The following UBE4B variants were observed in gnomAD, a reference collection of about 807,000 sequenced individuals.
UBE4B encodes the protein ubiquitin conjugation factor E4 B.
Under a neutral mutation model 148.1 loss-of-function variants are expected in UBE4B, and 27 were observed. The observed-to-expected ratio is 0.18, with a 90% CI of 0.13 to 0.25. The LOEUF (loss-of-function observed/expected upper bound fraction) is 0.25, where lower values mean the gene tolerates loss of function less well. Ranked by LOEUF, UBE4B falls within the 10% of genes least tolerant of loss-of-function variation. The pLI is 1.00. For missense variants in UBE4B, 1,170 were observed against 1,662.4 expected (o/e 0.70, Z 5.15); for synonymous variants, 596 against 619.3 (o/e 0.96, Z 0.56).
intron 2 of UBE4B, among the ~76,000 whole-genome samples, chr1:10,092,917 G>T (rs1358633141): frequency 1.3e-5 from 2 of 152,114 alleles, no homozygotes; most frequent in Non-Finnish European, 2.9e-5. Context: ...ATAATAAATT[G>T]TTGCAGAATT....
chr1:10,074,014 C>T (rs1159319063), intron 2 of UBE4B, among the ~76,000 whole-genome samples: 4 of 147,250 alleles, frequency 2.7e-5, no homozygotes, highest in African/African-American at 1.0e-4. Flanking sequence ...TCCTAGTGCA[C>T]TACAGCTTAA....
chr1:10,039,187 G>T (rs1036344909), intron 1 of UBE4B, among the ~76,000 whole-genome samples: 12 of 152,140 alleles, frequency 7.9e-5, no homozygotes, highest in Admixed American at 2.6e-4. Context: ...TATGGTGGAG[G>T]TATGCACAAC....
chr1:10,152,012 A>G (rs572957624), intron 21 of UBE4B, among the ~76,000 whole-genome samples: 1 of 152,114 alleles, frequency 6.6e-6, no homozygotes, highest in Admixed American at 6.6e-5. Flanking sequence ...TAATCCCAGC[A>G]CTTTGGGAGG....
At chr1:10,121,930 C>A (rs1200270102) in intron 9 of UBE4B, 32 bp from the exon 10 acceptor site, 3 of 1,497,144 alleles carry the variant, frequency 2.0e-6, no homozygotes, top group African/African-American at 1.4e-5. Flanking sequence ...GAGTTGACTT[C>A]ATCACCGTCC....
intron 1 of UBE4B, among the ~76,000 whole-genome samples, chr1:10,044,809 C>T (rs141714083): frequency 0.016 from 2,489 of 152,172 alleles, 58 homozygotes; most frequent in African/African-American, 0.055. Flanking sequence ...TCTTGAACTC[C>T]TGAGCTCAAG....
At chr1:10,054,162 A>G (rs1391732266) in intron 1 of UBE4B, among the ~76,000 whole-genome samples, 1 of 151,996 alleles carries the variant, frequency 6.6e-6, no homozygotes, top group Non-Finnish European at 1.5e-5. Context: ...TATTTCTTCC[A>G]TGATGATTTA....
chr1:10,103,171 C>A, intron 5 of UBE4B, 79 bp downstream of exon 5: 1 of 1,414,202 alleles, frequency 7.1e-7, no homozygotes, highest in Non-Finnish European at 9.5e-7. Flanking sequence ...CTCTGTTATC[C>A]ACATTCACTC....
intron 1 of UBE4B, among the ~76,000 whole-genome samples, chr1:10,066,306 T>C (rs1031410065): frequency 4.8e-5 from 7 of 145,428 alleles, no homozygotes; most frequent in Admixed American, 1.3e-4. Flanking sequence ...TTTTGTGGGA[T>C]TGGGGGGGGA....
Position 10,137,242 on chromosome 1 carries a change from G to A in UBE4B, c.2363+37G>A, listed in dbSNP as rs1464385719. The A allele has an allele frequency of 3.7e-6, 6 of 1,612,070 alleles. No homozygotes were observed. The Admixed American group carries it at 5.0e-5, about 13-fold the overall frequency. ...GATACCGTGTCCTGGGATTGCCTGA[G>A]TTACCACTTTTTCTCAGGGGCAGGC... On this transcript the variant is annotated intron_variant, in intron 17 of 27. Coordinates refer to ENST00000343090, the MANE Select transcript of UBE4B (RefSeq NM_001105562.3).
intron 3 of UBE4B, 185 bp from the exon 4 acceptor site, chr1:10,100,923 G>C (rs1461710755): frequency 1.7e-6 from 1 of 585,438 alleles, no homozygotes; most frequent in Non-Finnish European, 3.0e-6. Flanking sequence ...ACATGTATAA[G>C]AGACAAATTG....
intron 1 of UBE4B, among the ~76,000 whole-genome samples, chr1:10,048,127 G>A (rs901286650): frequency 6.6e-6 from 1 of 152,142 alleles, no homozygotes; most frequent in African/African-American, 2.4e-5. Flanking sequence ...GGGATTATAA[G>A]CATGAGCCAC....
chr1:10,175,511 C>A (rs7549318), intron 25 of UBE4B, among the ~76,000 whole-genome samples: 3 of 149,894 alleles, frequency 2.0e-5, no homozygotes, highest in East Asian at 2.0e-4. Flanking sequence ...ATTAGCCAGG[C>A]GTGGTGGCGG....
chr1:10,177,134 C>A (rs900496821), intron 25 of UBE4B, among the ~76,000 whole-genome samples: 3 of 151,940 alleles, frequency 2.0e-5, no homozygotes, highest in African/African-American at 7.2e-5. Context: ...TCAGATGATA[C>A]ATGTATCATT....
At chr1:10,155,098 T>A (rs1446272271) in intron 21 of UBE4B, among the ~76,000 whole-genome samples, 4 of 151,870 alleles carry the variant, frequency 2.6e-5, no homozygotes, top group South Asian at 4.2e-4. Context: ...TGTGTGTGTG[T>A]GTGTGTGTGT....
chr1:10,097,956 C>T (rs899152298), intron 3 of UBE4B, among the ~76,000 whole-genome samples: 15 of 151,932 alleles, frequency 9.9e-5, no homozygotes, highest in Middle Eastern at 3.2e-3. Context: ...CTGCAACCTC[C>T]GCCTCCTGGG....
At chr1:10,045,765 A>G (rs1008053447) in intron 1 of UBE4B, among the ~76,000 whole-genome samples, 1 of 151,978 alleles carries the variant, frequency 6.6e-6, no homozygotes, top group African/African-American at 2.4e-5. Context: ...TGAGAGGGGG[A>G]GAAAGGGTCA....
chr1:10,151,639 T>C, intron 21 of UBE4B, 78 bp downstream of exon 21: 1 of 1,262,648 alleles, frequency 7.9e-7, no homozygotes, highest in Non-Finnish European at 1.1e-6. Flanking sequence ...ACGACGTTGC[T>C]CTAAGCCTGT....
intron 7 of UBE4B, among the ~76,000 whole-genome samples, chr1:10,112,919 A>G (rs1390853839): frequency 2.6e-5 from 4 of 152,168 alleles, no homozygotes; most frequent in Non-Finnish European, 5.9e-5. Flanking sequence ...ACTGAGGTTG[A>G]TGCTACATTT....
intron 1 of UBE4B, among the ~76,000 whole-genome samples, chr1:10,045,382 GA>G (rs1255745591): frequency 2.6e-5 from 4 of 152,198 alleles, no homozygotes; most frequent in Non-Finnish European, 5.9e-5. Flanking sequence ...CCTTAGGTCA[GA>G]GACACTCCAC....
Sources: allele counts gnomAD v4.1 joint callset (sites outside exome capture counted in the v4.1 genomes callset), GRCh38; gene constraint gnomAD v4.1.1; transcripts MANE v1.5; gene names NCBI Gene and HGNC (gene_info 2026-07-23, HGNC 2026-07-21).